Variants in TTC19 observed in about 807,000 individuals in gnomAD.
TTC19 encodes the protein tetratricopeptide repeat domain 19.
A neutral mutation model predicts 49.5 loss-of-function variants in TTC19; 38 were observed. The ratio of observed to expected loss-of-function variants is 0.77; its 90% CI spans 0.59 to 1.01. TTC19 has a LOEUF of 1.01. Among genes scored for constraint, TTC19 ranks in the 50% least tolerant of loss-of-function variants. The pLI, the probability that TTC19 is intolerant of heterozygous loss-of-function variation, is 0.00. For synonymous variants in TTC19, 204 were observed against 185.2 expected, an observed-to-expected ratio of 1.10 and a Z score of -0.83; for missense variants, 475 against 477.7, an observed-to-expected ratio of 0.99 and a Z score of 0.05.
At chr17:16,030,330 A>G (rs1243406687), downstream of TTC19, 2 of 223,712 alleles carry the variant, frequency 8.9e-6, no homozygotes, top group Admixed American at 5.7e-5. Flanking sequence ...TCCATGTATA[A>G]GTGGACCCAC....
At chr17:16,003,305 C>T (rs1490421652) in intron 4 of TTC19, among the ~76,000 whole-genome samples, 6 of 151,964 alleles carry the variant, frequency 3.9e-5, no homozygotes, top group Admixed American at 1.3e-4. Flanking sequence ...GGTTGGAGTG[C>T]GGTGGCTTAA....
rs1971604551 is a variant in TTC19 at position 16,027,456 on chromosome 17, CAT to C, written c.1078_1079del (p.Ile360GlnfsTer6). On this transcript the variant is annotated frameshift_variant, in exon 10 of 10. Transcript: ENST00000261647. LOFTEE classifies it high-confidence loss of function. ...AAAAAGATGAAATTTCTGTACAACA[CAT>C]CAGGGAAGAGTTGGCTGAGCTGTCA... ...LKKDEISVQH[I>X]REELAELSKK... 9.3e-6 allele frequency: 15 copies of C among 1,613,986 alleles called. No individual in the cohort carries two copies. The highest frequency in any genetic ancestry group is 1.3e-5 in the Non-Finnish European group (15 of 1,179,968).
At chr17:16,004,146 A>G in intron 5 of TTC19, 55 bp from the exon 6 acceptor site, 1 of 1,530,924 alleles carries the variant, frequency 6.5e-7, no homozygotes, top group East Asian at 2.3e-5. Flanking sequence ...GATCTGAAAT[A>G]TGCCATGAAA....
downstream of TTC19, chr17:16,032,609 A>G: frequency 1.2e-6 from 1 of 862,614 alleles, no homozygotes; most frequent in South Asian, 2.0e-5. Context: ...TGAAAGCAAA[A>G]TGAATACAAC....
chr17:16,000,411 C>T, intron 2 of TTC19, 166 bp downstream of exon 2: 1 of 1,470,650 alleles, frequency 6.8e-7, no homozygotes, highest in Non-Finnish European at 9.0e-7. Context: ...GATTGGAATC[C>T]ATCCAGGCTT....
chr17:16,040,648 AT>A (rs761392010), intron 2 of TTC19: 93,310 of 526,842 alleles, frequency 0.18, no homozygotes, highest in South Asian at 0.25. Flanking sequence ...AAATGGAAGT[AT>A]TTTTTTTTTT....
chr17:16,021,996 C>T (rs907345761), intron 7 of TTC19, among the ~76,000 whole-genome samples: 1 of 152,188 alleles, frequency 6.6e-6, no homozygotes, highest in African/African-American at 2.4e-5. Flanking sequence ...CCATTCAAGG[C>T]TCCTTGTTGT....
chr17:16,014,671 G>A (rs1382893639), intron 7 of TTC19, among the ~76,000 whole-genome samples: 1 of 152,102 alleles, frequency 6.6e-6, no homozygotes, highest in Admixed American at 6.5e-5. Context: ...TTTGGTTTTG[G>A]GATGCTGGCA....
intron 7 of TTC19, among the ~76,000 whole-genome samples, chr17:16,020,796 CAGA>C (rs1734652961): frequency 1.3e-5 from 2 of 152,014 alleles, no homozygotes; most frequent in Admixed American, 1.3e-4. Context: ...CCTCAGCCTC[CAGA>C]AGAATTAGGA....
chr17:16,017,638 GTAA>G (rs1174248856), intron 7 of TTC19, among the ~76,000 whole-genome samples: 6 of 144,714 alleles, frequency 4.1e-5, no homozygotes, highest in South Asian at 2.2e-4. Context: ...GCGGGTGCCT[GTAA>G]CCTCAGCTAC....
intron 7 of TTC19, 50 bp downstream of exon 7, chr17:16,006,618 C>T (rs925185237): frequency 8.1e-7 from 1 of 1,240,486 alleles, no homozygotes; most frequent in African/African-American, 1.5e-5. Flanking sequence ...AAAGGCTTTA[C>T]TTTACACTTT....
At chr17:16,039,381 A>T in intron 2 of TTC19, 1 of 1,552,752 alleles carries the variant, frequency 6.4e-7, no homozygotes, top group Non-Finnish European at 8.8e-7. Flanking sequence ...TGGGAAATAA[A>T]CTGGCTTTTT....
chr17:16,011,479 T>C (rs1395121599), intron 7 of TTC19, among the ~76,000 whole-genome samples: 1 of 152,246 alleles, frequency 6.6e-6, no homozygotes, highest in Non-Finnish European at 1.5e-5. Context: ...GGCCGCGTTA[T>C]ATCTTTTTCA....
chr17:16,039,850 G>T lies in TTC19; in HGVS notation c.248-4653G>T, dbSNP rs1384198695. Reference sequence around the variant, plus strand: ...GTCGCACCCAGGCTGGAGTGCAGTGGCGCGATCTTGGCTCACTGCAACCTC... The same window carrying T: ...GTCGCACCCAGGCTGGAGTGCAGTGTCGCGATCTTGGCTCACTGCAACCTC... On this transcript the variant is annotated intron_variant, in intron 2 of 2. Coordinates refer to the TTC19 transcript ENST00000470649. The T allele has an allele frequency of 9.3e-6, 5 of 534,998 alleles. No individual in the cohort carries two copies. In the East Asian group the frequency reaches 1.4e-4, roughly 15 times the overall value. The allele number at this position is 534,998 out of a possible 1,614,324, so 33.1% of individuals were successfully genotyped here.
chr17:16,017,211 C>T (rs1005513265), intron 7 of TTC19, among the ~76,000 whole-genome samples: 6 of 151,986 alleles, frequency 3.9e-5, no homozygotes, highest in African/African-American at 9.7e-5. Flanking sequence ...TTATAGAAGG[C>T]TATGGTTGGA....
At chr17:16,021,383 G>A (rs563815485) in intron 7 of TTC19, among the ~76,000 whole-genome samples, 17 of 152,160 alleles carry the variant, frequency 1.1e-4, no homozygotes, top group Non-Finnish European at 1.9e-4. Flanking sequence ...GTGAGACTTC[G>A]TCTCAAAAAA....
chr17:16,020,172 C>T (rs1001577202), intron 7 of TTC19, among the ~76,000 whole-genome samples: 1 of 152,120 alleles, frequency 6.6e-6, no homozygotes, highest in Non-Finnish European at 1.5e-5. Context: ...TTTTGACTAG[C>T]AGTATATTAG....
At chr17:16,044,749 G>A (rs984038445) in exon 3 of TTC19, 11 of 808,704 alleles carry the variant, frequency 1.4e-5, no homozygotes, top group Non-Finnish European at 2.4e-5. Flanking sequence ...AACCTTTTTG[G>A]TCCAGCTTGT....
intron 2 of TTC19, chr17:16,039,536 A>C (rs2057149597): frequency 6.2e-7 from 1 of 1,614,042 alleles, no homozygotes; most frequent in Admixed American, 1.7e-5. Flanking sequence ...GGGACATGAC[A>C]ACTCCATGAT....
Sources: allele counts gnomAD v4.1 joint callset (sites outside exome capture counted in the v4.1 genomes callset), GRCh38; gene constraint gnomAD v4.1.1; transcripts MANE v1.5; gene names NCBI Gene and HGNC (gene_info 2026-07-23, HGNC 2026-07-21).